The following CIT variants were observed in gnomAD, a reference collection of about 807,000 sequenced individuals.
CIT encodes the protein citron Rho-interacting kinase.
In CIT, 79 loss-of-function variants were observed where a neutral mutation model predicts 272.7. The observed-to-expected ratio is 0.29, with a 90% CI of 0.24 to 0.35. The LOEUF (loss-of-function observed/expected upper bound fraction) is 0.35, where lower values mean the gene tolerates loss of function less well. CIT is among the 10% of genes least tolerant of loss of function. The pLI is 1.00. For missense variants in CIT, 1,909 were observed against 2,618.3 expected (o/e 0.73, Z 5.91); for synonymous variants, 948 against 995.6 (o/e 0.95, Z 0.90).
At chr12:119,825,474 T>G (rs1179118887) in intron 7 of CIT, 106 bp from the exon 8 acceptor site, 17 of 1,015,686 alleles carry the variant, frequency 1.7e-5, no homozygotes, top group Non-Finnish European at 2.5e-5. Context: ...TGATTACTAT[T>G]CTCCCAGGCA....
intron 13 of CIT, among the ~76,000 whole-genome samples, chr12:119,780,565 C>T (rs1964195934): frequency 6.6e-6 from 1 of 151,932 alleles, no homozygotes; most frequent in African/African-American, 2.4e-5. Context: ...TGCAGTGAGC[C>T]GAAACTGCAC....
intron 40 of CIT, among the ~76,000 whole-genome samples, chr12:119,707,054 T>TC (rs1956913678): frequency 6.7e-6 from 1 of 149,192 alleles, no homozygotes; most frequent in African/African-American, 2.6e-5. Flanking sequence ...TCATGAACTT[T>TC]GTTATGTAAA....
intron 9 of CIT, among the ~76,000 whole-genome samples, chr12:119,818,794 T>C (rs1967429943): frequency 6.6e-6 from 1 of 152,238 alleles, no homozygotes; most frequent in Non-Finnish European, 1.5e-5. Context: ...ACTTCCATTA[T>C]GCATTTCTCA....
intron 9 of CIT, among the ~76,000 whole-genome samples, chr12:119,814,774 C>T (rs931749668): frequency 2.0e-5 from 3 of 152,146 alleles, no homozygotes; most frequent in South Asian, 2.1e-4. Flanking sequence ...CAAAACATCA[C>T]GCCTGTAATC....
intron 10 of CIT, among the ~76,000 whole-genome samples, chr12:119,792,619 G>A (rs1048841827): frequency 6.6e-6 from 1 of 152,066 alleles, no homozygotes; most frequent in East Asian, 2.0e-4. Flanking sequence ...ACAGGCACGC[G>A]CCACTGTACC....
chr12:119,800,112 C>T (rs1966065250), intron 10 of CIT, among the ~76,000 whole-genome samples: 2 of 152,102 alleles, frequency 1.3e-5, no homozygotes, highest in African/African-American at 4.8e-5. Context: ...CTTTAACATG[C>T]TGTTTCCTGT....
chr12:119,801,900 A>G (rs1215096464), intron 10 of CIT, among the ~76,000 whole-genome samples: 3 of 152,218 alleles, frequency 2.0e-5, no homozygotes, highest in Non-Finnish European at 1.5e-5. Context: ...GCCCCCAGAG[A>G]GGGGATCAAG....
chr12:119,847,605 A>G (rs1969907329), intron 5 of CIT, among the ~76,000 whole-genome samples: 1 of 142,478 alleles, frequency 7.0e-6, no homozygotes. Context: ...AAAAAAAATG[A>G]AAAGAAAAGG....
Position 119,762,361 on chromosome 12 carries a change from G to A in CIT, c.2305-1306C>T, listed in dbSNP as rs181166512. 3.4e-3 allele frequency among the ~76,000 whole-genome samples: 522 copies of A among 152,308 alleles called. 1 individual carries two copies. Among genetic ancestry groups the A allele is most frequent in the African/African-American group, 0.012 (497 of 41,572 alleles). On this transcript the variant is annotated intron_variant, in intron 19 of 47. Transcript: ENST00000392521. ...CCCACTCTCTTGGATGTCTGAGCAT[G>A]ATTCTAAAATTATGAGCAAGAACAG...
intron 28 of CIT, among the ~76,000 whole-genome samples, chr12:119,721,711 CCAGA>C (rs1482420273): frequency 2.0e-5 from 3 of 152,232 alleles, no homozygotes; most frequent in African/African-American, 7.2e-5. Flanking sequence ...GATGGCCTTC[CCAGA>C]CAGAGTTCCA....
intron 37 of CIT, chr12:119,711,073 G>C (rs372358981): frequency 4.4e-6 from 6 of 1,366,826 alleles, no homozygotes; most frequent in African/African-American, 1.5e-5. Flanking sequence ...GCAGAAGCTC[G>C]TAAGAAACAC....
chr12:119,808,224 AAAG>A (rs1966720687), intron 9 of CIT, among the ~76,000 whole-genome samples: 1 of 152,202 alleles, frequency 6.6e-6, no homozygotes, highest in African/African-American at 2.4e-5. Context: ...AAAAACAAGG[AAAG>A]AAGAACCAAA....
Position 119,743,734 on chromosome 12 carries a change from A to C in CIT, c.2905-1270T>G, listed in dbSNP as rs541796919. ...AACTATGACATGTTTATGTCTGTAT[A>C]TGACTGTAATATGCACCTTGATTTC... On this transcript the variant is annotated intron_variant, in intron 23 of 47. Transcript: ENST00000392521. Among the ~76,000 whole-genome samples the C allele has an allele frequency of 9.8e-5, 15 of 152,342 alleles. No individual in the cohort carries two copies. In the East Asian group the frequency reaches 2.9e-3, roughly 29 times the overall value.
intron 9 of CIT, among the ~76,000 whole-genome samples, chr12:119,821,228 G>A (rs1012347504): frequency 5.3e-5 from 8 of 151,746 alleles, no homozygotes; most frequent in South Asian, 4.1e-4. Context: ...CCAAGAGGCG[G>A]AGGTTGCAGT....
At chr12:119,822,623 C>G (rs1198534967) in intron 9 of CIT, among the ~76,000 whole-genome samples, 197 bp downstream of exon 9, 1 of 151,902 alleles carries the variant, frequency 6.6e-6, no homozygotes, top group African/African-American at 2.4e-5. Context: ...ATAAATGACC[C>G]AGTTCTACAC....
chr12:119,759,228 C>T (rs963470201), intron 20 of CIT, among the ~76,000 whole-genome samples: 11 of 152,324 alleles, frequency 7.2e-5, no homozygotes, highest in African/African-American at 2.4e-4. Flanking sequence ...GAGCGGCCAG[C>T]GAGCGAGCAT....
chr12:119,784,136 T>G lies in CIT; in HGVS notation c.1402-85A>C. ...ATCTCAAGTAGCCTCCGAAACCACC[T>G]GGTGGTCTGGGCTAAGGCTAATTCG... On this transcript the variant is annotated intron_variant, in intron 11 of 47. Coordinates refer to ENST00000392521, the MANE Select transcript of CIT (RefSeq NM_001206999.2). The surrounding 1 kb of genome is among the most constrained non-coding windows in gnomAD (Gnocchi z 4.7). 6 of 1,612,622 alleles carry G rather than the reference T, an allele frequency of 3.7e-6. No individual in the cohort carries two copies. The highest frequency in any genetic ancestry group is 3.4e-6 in the Non-Finnish European group (4 of 1,179,194).
In CIT at chr12:119,711,074, T is replaced by C. The variant is rs577744656; in HGVS notation, c.4855-454A>G. On this transcript the variant is annotated intron_variant, in intron 37 of 47. Coordinates refer to ENST00000392521, the MANE Select transcript of CIT (RefSeq NM_001206999.2). ...CTGAACCCAGGCAGGCAGAAGCTCG[T>C]AAGAAACACAGTCGCGGGCCTATTG... 12 of 1,366,944 alleles carry C rather than the reference T, an allele frequency of 8.8e-6. No homozygotes were observed. In the Admixed American group the frequency reaches 2.3e-4, roughly 26 times the overall value. 84.7% of individuals were successfully genotyped at this position (1,366,944 alleles called of 1,614,324 possible).
At chr12:119,830,690 T>C (rs1268237456) in intron 7 of CIT, among the ~76,000 whole-genome samples, 1 of 151,944 alleles carries the variant, frequency 6.6e-6, no homozygotes, top group African/African-American at 2.4e-5. Context: ...GAGGGGAGGG[T>C]GCTAATGGCA....
Sources: gnomAD v4.1 joint callset for allele counts (sites outside exome capture counted in the v4.1 genomes callset) on GRCh38, gnomAD v4.1.1 for gene constraint, Gnocchi (gnomAD v3.1) non-coding constraint, MANE v1.5 for transcripts, NCBI Gene and HGNC (gene_info 2026-07-23, HGNC 2026-07-21) for gene names.